The following ADGRL4 variants were observed in gnomAD, a reference collection of about 807,000 sequenced individuals.
The protein encoded by ADGRL4 is adhesion G protein-coupled receptor L4.
ADGRL4 carries 90 observed loss-of-function variants against 74.8 expected under a neutral mutation model. The observed-to-expected ratio is 1.20, with a 90% CI of 1.02 to 1.43. The LOEUF is 1.43. Ranked by LOEUF, ADGRL4 falls within the 40% of genes most tolerant of loss-of-function variation. The pLI, the probability that ADGRL4 is intolerant of heterozygous loss-of-function variation, is 0.00. For missense variants in ADGRL4, 881 were observed against 814.3 expected (o/e 1.08, Z -1.00); for synonymous variants, 311 against 279.2 (o/e 1.11, Z -1.14).
intron 8 of ADGRL4, among the ~76,000 whole-genome samples, chr1:78,926,256 C>A (rs1649112438): frequency 6.6e-6 from 1 of 152,030 alleles, no homozygotes; most frequent in Non-Finnish European, 1.5e-5. Flanking sequence ...ATAACATCAA[C>A]TGTGAAATGG....
intron 2 of ADGRL4, among the ~76,000 whole-genome samples, chr1:78,999,315 C>T (rs958952678): frequency 6.6e-6 from 1 of 152,138 alleles, no homozygotes; most frequent in Non-Finnish European, 1.5e-5. Context: ...ATTGGAAGTG[C>T]TATCTCTGCT....
intron 2 of ADGRL4, among the ~76,000 whole-genome samples, chr1:78,948,438 C>T (rs1262578807): frequency 6.6e-6 from 1 of 151,942 alleles, no homozygotes; most frequent in Non-Finnish European, 1.5e-5. Flanking sequence ...ATTTTAAAAG[C>T]ATATTTAAGA....
intron 8 of ADGRL4, 28 bp downstream of exon 8, chr1:78,926,858 G>A (rs1176796259): frequency 6.6e-7 from 1 of 1,523,032 alleles, no homozygotes; most frequent in Non-Finnish European, 9.1e-7. Flanking sequence ...CACAATCATA[G>A]CCAATAACTA....
rs138914739 is a variant in ADGRL4, at chr1:78,934,913, G to A, written c.877+1382C>T. Among the ~76,000 whole-genome samples the A allele has an allele frequency of 6.3e-3, 966 of 152,286 alleles. 43 individuals carry two copies. The East Asian group carries it at 0.12, about 19-fold the overall frequency. On this transcript the variant is annotated intron_variant, in intron 7 of 14. Coordinates refer to ENST00000370742, the MANE Select transcript of ADGRL4 (RefSeq NM_022159.4). Reference sequence around the variant, plus strand: ...AAAAAGTCAAGAAACAATAGATGCTGGTGAGGCTGTGGAGAAATAGGAACG... The same window carrying A: ...AAAAAGTCAAGAAACAATAGATGCTAGTGAGGCTGTGGAGAAATAGGAACG...
At chr1:78,927,187 T>A (rs184032174) in intron 7 of ADGRL4, 96 bp from the exon 8 acceptor site, 80 of 799,698 alleles carry the variant, frequency 1.0e-4, no homozygotes, top group Non-Finnish European at 1.3e-4. Flanking sequence ...ACAAACATTT[T>A]ACTTTAGAAA....
chr1:78,974,243 G>A (rs188784576), intron 2 of ADGRL4, among the ~76,000 whole-genome samples: 1 of 152,286 alleles, frequency 6.6e-6, no homozygotes, highest in East Asian at 1.9e-4. Context: ...GATGGGAGGA[G>A]AAGTCATAAC....
chr1:78,919,212 T>A (rs1188156227), intron 10 of ADGRL4, among the ~76,000 whole-genome samples: 1 of 152,006 alleles, frequency 6.6e-6, no homozygotes, highest in Non-Finnish European at 1.5e-5. Flanking sequence ...AATGGAAATA[T>A]GGAGGCAATT....
intron 12 of ADGRL4, among the ~76,000 whole-genome samples, chr1:78,911,445 T>A (rs1305925206): frequency 6.6e-6 from 1 of 151,864 alleles, no homozygotes; most frequent in Non-Finnish European, 1.5e-5. Context: ...TCTATTGGTT[T>A]TCTTTGCAAT....
chr1:79,002,873 A>G (rs1650873116), intron 2 of ADGRL4, among the ~76,000 whole-genome samples: 1 of 152,122 alleles, frequency 6.6e-6, no homozygotes, highest in Non-Finnish European at 1.5e-5. Flanking sequence ...CTACGATTAA[A>G]GCTTATTTTG....
chr1:78,892,695 T>C (rs920453945), intron 13 of ADGRL4, among the ~76,000 whole-genome samples: 24 of 152,054 alleles, frequency 1.6e-4, no homozygotes, highest in African/African-American at 5.6e-4. Flanking sequence ...GAACAAATCA[T>C]TTTCAAGGTT....
At chr1:78,968,905 T>C (rs542259601) in intron 2 of ADGRL4, among the ~76,000 whole-genome samples, 2 of 152,346 alleles carry the variant, frequency 1.3e-5, no homozygotes, top group Admixed American at 1.3e-4. Context: ...ACTTTGTTGA[T>C]TTTAATATTG....
chr1:78,948,672 G>A (rs1649662187), intron 2 of ADGRL4, among the ~76,000 whole-genome samples: 1 of 151,888 alleles, frequency 6.6e-6, no homozygotes, highest in Non-Finnish European at 1.5e-5. Flanking sequence ...ACTCTATATG[G>A]CTATATATAC....
intron 2 of ADGRL4, among the ~76,000 whole-genome samples, chr1:79,000,069 G>A (rs1269902502): frequency 6.6e-6 from 1 of 151,998 alleles, no homozygotes; most frequent in Non-Finnish European, 1.5e-5. Flanking sequence ...CCCAGAAGCT[G>A]TGTGTTCATT....
rs867952516 is a variant in ADGRL4 at position 78,926,025 on chromosome 1, C to T, written c.1083+861G>A. 2.6e-5 allele frequency among the ~76,000 whole-genome samples: 4 copies of T among 152,136 alleles called. No individual in the cohort carries two copies. The South Asian group carries it at 8.3e-4, about 31-fold the overall frequency. ...TTATTTAAGTTTGAGCTATTATTTA[C>T]CTGCACTTTTTATACATTTAGTTTC... On this transcript the variant is annotated intron_variant, in intron 8 of 14. Coordinates refer to ENST00000370742, the MANE Select transcript of ADGRL4 (RefSeq NM_022159.4).
At chr1:78,918,498 CA>C (rs1416257433) in intron 10 of ADGRL4, among the ~76,000 whole-genome samples, 1 of 151,630 alleles carries the variant, frequency 6.6e-6, no homozygotes, top group Admixed American at 6.6e-5. Context: ...TCTTAGATGA[CA>C]AAAATAAAAT....
chr1:78,911,927 C>G (rs1391887801), intron 12 of ADGRL4, among the ~76,000 whole-genome samples: 1 of 151,848 alleles, frequency 6.6e-6, no homozygotes, highest in African/African-American at 2.4e-5. Flanking sequence ...AGAGAGATCA[C>G]TTAATCTTGC....
rs145892958 is a variant in ADGRL4 at position 78,986,966 on chromosome 1, C to T, written c.172+18104G>A. On this transcript the variant is annotated intron_variant, in intron 2 of 14. Transcript: ENST00000370742. ...GAAAGCATATATATCATGAAACTAA[C>T]GAGGTATGTCATGAAACAAAGTAGA... Among the ~76,000 whole-genome samples the T allele has an allele frequency of 3.9e-3, 597 of 151,738 alleles. 6 individuals carry two copies. The highest frequency in any genetic ancestry group is 0.014 in the African/African-American group (564 of 41,474).
intron 12 of ADGRL4, among the ~76,000 whole-genome samples, chr1:78,914,725 T>TA (rs1472296506): frequency 1.3e-5 from 2 of 151,888 alleles, no homozygotes; most frequent in Non-Finnish European, 2.9e-5. Flanking sequence ...GGTGTTTACT[T>TA]CTTTTTCCTT....
At chr1:78,965,127 T>G (rs1650029153) in intron 2 of ADGRL4, among the ~76,000 whole-genome samples, 1 of 152,168 alleles carries the variant, frequency 6.6e-6, no homozygotes, top group South Asian at 2.1e-4. Context: ...TATAATTATC[T>G]AGTCCAGAGT....
Sources: gnomAD v4.1 joint callset for allele counts (sites outside exome capture counted in the v4.1 genomes callset) on GRCh38, gnomAD v4.1.1 for gene constraint, MANE v1.5 for transcripts, NCBI Gene and HGNC (gene_info 2026-07-23, HGNC 2026-07-21) for gene names.